VCAM1: variants seen among roughly 807,000 people sequenced by gnomAD.
VCAM1 encodes the protein vascular cell adhesion molecule 1, also known as vascular cell adhesion protein 1.
VCAM1 carries 41 observed loss-of-function variants against 63.8 expected under a neutral mutation model. The observed-to-expected ratio is 0.64, with a 90% confidence interval of 0.50 to 0.83. The LOEUF (loss-of-function observed/expected upper bound fraction) is 0.83, where lower values mean the gene tolerates loss of function less well. Ranked by LOEUF, VCAM1 falls within the 40% of genes least tolerant of loss-of-function variation. The probability of loss-of-function intolerance (pLI) is 0.00; values close to 1 mark genes in which losing one functional copy is unlikely to be tolerated. For missense variants in VCAM1, 798 were observed against 875.5 expected, an observed-to-expected ratio of 0.91 and a Z score of 1.12; for synonymous variants, 338 against 320.7, an observed-to-expected ratio of 1.05 and a Z score of -0.58.
rs1571455028 is a variant in VCAM1, at chr1:100,724,525, C to T, written c.662-99C>T. ...TACTAATTTGGCAGAGTAATTTCATCAAATTGGTGGAAGCACATAAATACT... is the reference window on the plus strand; with the variant it reads ...TACTAATTTGGCAGAGTAATTTCATTAAATTGGTGGAAGCACATAAATACT... On this transcript the variant is annotated intron_variant, in intron 3 of 8. Transcript: ENST00000294728. The T allele has an allele frequency of 2.1e-6, 3 of 1,398,844 alleles. No homozygotes were observed. In the East Asian group the frequency reaches 7.0e-5, roughly 33 times the overall value. 86.7% of individuals were successfully genotyped at this position (1,398,844 alleles called of 1,614,324 possible).
In VCAM1 at chr1:100,719,742, G is replaced by T; in HGVS notation, c.-119G>T. The stretch of plus-strand genomic sequence containing the variant: ...AAGCACAGACTTTCTATTTCACTCC[G>T]CGGTATCTGCATCGGGCCTCACTGG... On this transcript the variant is annotated 5_prime_UTR_variant, in exon 1 of 9. Coordinates refer to ENST00000294728, the MANE Select transcript of VCAM1 (RefSeq NM_001078.4). 3.3e-6 allele frequency: 3 copies of T among 905,688 alleles called. No homozygotes were observed. Among genetic ancestry groups the T allele is most frequent in the South Asian group, 3.9e-5 (2 of 51,506 alleles). The allele number at this position is 905,688 out of a possible 1,614,324, so 56.1% of individuals were successfully genotyped here. A position where few individuals can be genotyped will look rare whatever the true frequency, so the allele number is the denominator to read the frequency against.
chr1:100,733,301 A>G (rs921516673), intron 7 of VCAM1, among the ~76,000 whole-genome samples: 6 of 152,176 alleles, frequency 3.9e-5, no homozygotes, highest in Non-Finnish European at 8.8e-5. Flanking sequence ...GTTATGAGCA[A>G]AATCATCAGG....
At position 100,738,451 on chromosome 1, in the gene VCAM1, G is replaced by T; in HGVS notation, c.*168G>T. ...CCCTTGCTGTGAGCAAGAAGTCAAA[G>T]TAAAACTTGCTGCCTGAAGAACAGT... On this transcript the variant is annotated 3_prime_UTR_variant, in exon 9 of 9. Transcript: ENST00000294728. 1.5e-6 allele frequency: 1 copy of T among 673,958 alleles called. No homozygotes were observed. The allele number at this position is 673,958 out of a possible 1,614,324, so 41.7% of individuals were successfully genotyped here.
chr1:100,726,750 C>G (rs1370774653), intron 4 of VCAM1, among the ~76,000 whole-genome samples: 2 of 152,060 alleles, frequency 1.3e-5, no homozygotes, highest in Non-Finnish European at 2.9e-5. Context: ...GATATGACAA[C>G]TGCCCTAGGG....
rs771941190 is a variant in VCAM1, at chr1:100,731,033, T to C, written c.1205-165T>C. Among the ~76,000 whole-genome samples, 5 of 152,158 alleles carry C rather than the reference T, an allele frequency of 3.3e-5. No homozygotes were observed. The highest frequency in any genetic ancestry group is 7.4e-5 in the Non-Finnish European group (5 of 68,008). The stretch of plus-strand genomic sequence containing the variant: ...TTTCTAACATTATTCATATATAATA[T>C]CATAAATATGTCATTTATAAATACT... On this transcript the variant is annotated intron_variant, in intron 5 of 8. Transcript: ENST00000294728. This position sits in a 1 kb window ranked among gnomAD's most constrained non-coding sequence, Gnocchi z 4.2.
Position 100,729,251 on chromosome 1 carries a change from A to G in VCAM1, c.1073A>G (p.Lys358Arg). 1.9e-6 allele frequency: 3 copies of G among 1,613,544 alleles called. No individual in the cohort carries two copies. Among genetic ancestry groups the G allele is most frequent in the Non-Finnish European group, 2.5e-6 (3 of 1,179,710 alleles). Residue 358 changes from lysine (K) to arginine (R), a missense_variant, in exon 5 of 9, where the codon AAG becomes AGG. Physicochemically the swap from Lys to Arg is conservative, Grantham distance 26 (BLOSUM62 2). Transcript: ENST00000294728. ...RTQIDSPLSG[K>R]VRSEGTNSTL... ...CAGATAGACAGCCCTCTGAGCGGGA[A>G]GGTGAGGAGTGAGGGGACCAATTCC...
At chr1:100,733,000 G>C (rs1484789826) in intron 7 of VCAM1, among the ~76,000 whole-genome samples, 3 of 152,200 alleles carry the variant, frequency 2.0e-5, no homozygotes, top group Non-Finnish European at 2.9e-5. Context: ...AGGAATATCT[G>C]CATTTGGGAT....
chr1:100,731,104 A>G lies in VCAM1; in HGVS notation c.1205-94A>G, dbSNP rs1005942538. On this transcript the variant is annotated intron_variant, in intron 5 of 8. Transcript: ENST00000294728. This position sits in a 1 kb window ranked among gnomAD's most constrained non-coding sequence, Gnocchi z 4.2. The stretch of plus-strand genomic sequence containing the variant: ...AGTCATTCTATCCCAGGTGACTTAA[A>G]GCTGTCATTTTTAGGCCTTTACATT... 1.6e-6 allele frequency: 2 copies of G among 1,238,670 alleles called. No homozygotes were observed. Among genetic ancestry groups the G allele is most frequent in the Non-Finnish European group, 2.2e-6 (2 of 904,124 alleles). The allele number at this position is 1,238,670 out of a possible 1,614,324, so 76.7% of individuals were successfully genotyped here.
At chr1:100,738,063 G>A in intron 8 of VCAM1, 60 bp from the exon 9 acceptor site, 1 of 1,548,726 alleles carries the variant, frequency 6.5e-7, no homozygotes, top group Non-Finnish European at 8.8e-7. Context: ...TGTAACTGTT[G>A]TTATTAAATG....
At chr1:100,729,858 T>A (rs1464300028) in intron 5 of VCAM1, among the ~76,000 whole-genome samples, 2 of 152,032 alleles carry the variant, frequency 1.3e-5, no homozygotes, top group Non-Finnish European at 2.9e-5. Context: ...GAAGTTAGAT[T>A]GGGGATGGGG....
Position 100,738,448 on chromosome 1 carries a change from A to G in VCAM1, c.*165A>G, listed in dbSNP as rs551375081. 4.0e-5 allele frequency: 28 copies of G among 702,654 alleles called. No individual in the cohort carries two copies. Among genetic ancestry groups the G allele is most frequent in the Middle Eastern group, 8.4e-4 (2 of 2,392 alleles). The allele number at this position is 702,654 out of a possible 1,614,324, so 43.5% of individuals were successfully genotyped here. A position where few individuals can be genotyped will look rare whatever the true frequency, so the allele number is the denominator to read the frequency against. The stretch of plus-strand genomic sequence containing the variant: ...TGTCCCTTGCTGTGAGCAAGAAGTC[A>G]AAGTAAAACTTGCTGCCTGAAGAAC... On this transcript the variant is annotated 3_prime_UTR_variant, in exon 9 of 9. Coordinates refer to ENST00000294728, the MANE Select transcript of VCAM1 (RefSeq NM_001078.4).
chr1:100,721,104 T>A (rs1659936879), intron 2 of VCAM1, among the ~76,000 whole-genome samples: 1 of 152,172 alleles, frequency 6.6e-6, no homozygotes, highest in Non-Finnish European at 1.5e-5. Context: ...TGCTTATGTG[T>A]CTGATTGATT....
chr1:100,738,264 C>A lies in VCAM1; in HGVS notation c.2201C>A (p.Ala734Glu), dbSNP rs752176325. 1 of 1,613,190 alleles carries A rather than the reference C, an allele frequency of 6.2e-7. No homozygotes were observed. The highest frequency in any genetic ancestry group is 1.7e-5 in the Admixed American group (1 of 59,966). ...AAGGGGTCATATAGTCTTGTAGAAG[C>A]ACAGAAGTCAAAAGTGTAGCTAATG... The part of the protein sequence containing the change: ...NMKGSYSLVE[A>E]QKSKV The change falls in exon 9 of 9, where the codon GCA becomes GAA. Residue 734 changes from alanine to glutamate, a missense_variant. Transcript: ENST00000294728.
chr1:100,738,086 A>G (rs1428526582), intron 8 of VCAM1, 37 bp from the exon 9 acceptor site: 16 of 1,599,998 alleles, frequency 1.0e-5, no homozygotes, highest in Non-Finnish European at 1.4e-5. Flanking sequence ...ATCTTTTTGT[A>G]CTAGACATTA....
Position 100,729,172 on chromosome 1 carries a change from A to G in VCAM1, c.994A>G (p.Met332Val), listed in dbSNP as rs1660305587. The G allele has an allele frequency of 3.7e-6, 6 of 1,613,114 alleles. No homozygotes were observed. Among genetic ancestry groups the G allele is most frequent in the Non-Finnish European group, 5.1e-6 (6 of 1,179,482 alleles). ...TGCTGCTCAGATTGGAGACTCAGTCATGTTGACATGTAGTGTCATGGGCTG... is the reference window on the plus strand; with the variant it reads ...TGCTGCTCAGATTGGAGACTCAGTCGTGTTGACATGTAGTGTCATGGGCTG... Reference protein sequence around the residue: ...RIAAQIGDSVMLTCSVMGCES... With the variant: ...RIAAQIGDSVVLTCSVMGCES... The change falls in exon 5 of 9, where the codon ATG (methionine) becomes GTG (valine). Residue 332 changes from methionine to valine, a missense_variant. Transcript: ENST00000294728.
chr1:100,738,094 T>C (rs1660720322), intron 8 of VCAM1, 29 bp from the exon 9 acceptor site: 1 of 1,607,762 alleles, frequency 6.2e-7, no homozygotes, highest in Non-Finnish European at 8.5e-7. Context: ...GTACTAGACA[T>C]TAATTGCATC....
chr1:100,727,957 T>G (rs900442211), intron 4 of VCAM1, among the ~76,000 whole-genome samples: 1 of 152,228 alleles, frequency 6.6e-6, no homozygotes, highest in Admixed American at 6.5e-5. Flanking sequence ...ATTTATATAT[T>G]GAGATTTCTT....
At chr1:100,722,938 G>T in intron 2 of VCAM1, 82 bp from the exon 3 acceptor site, 1 of 1,420,636 alleles carries the variant, frequency 7.0e-7, no homozygotes, top group South Asian at 1.4e-5. Flanking sequence ...CGCTAGACTT[G>T]ATTTGTATTG....
intron 2 of VCAM1, 68 bp downstream of exon 2, chr1:100,720,819 T>G: frequency 6.6e-7 from 1 of 1,505,880 alleles, no homozygotes; most frequent in Non-Finnish European, 8.9e-7. Context: ...AAAAATGATA[T>G]TTTAAAAAAA....
Sources: allele counts gnomAD v4.1 joint callset (sites outside exome capture counted in the v4.1 genomes callset), GRCh38; gene constraint gnomAD v4.1.1; non-coding constraint Gnocchi (gnomAD v3.1); transcripts MANE v1.5; gene names NCBI Gene and HGNC (gene_info 2026-07-23, HGNC 2026-07-21).